HS6ST3: variants seen among roughly 807,000 people sequenced by gnomAD.
HS6ST3 encodes heparan-sulfate 6-O-sulfotransferase 3.
HS6ST3 carries 12 observed loss-of-function variants against 36.7 expected under a neutral mutation model. The ratio of observed to expected loss-of-function variants is 0.33; its 90% CI spans 0.21 to 0.53. The LOEUF (loss-of-function observed/expected upper bound fraction) is 0.53, where lower values mean the gene tolerates loss of function less well. HS6ST3 is among the 20% of genes least tolerant of loss of function. The pLI is 0.95. For synonymous variants in HS6ST3, 240 were observed against 257.5 expected, an observed-to-expected ratio of 0.93 and a Z score of 0.65; for missense variants, 584 against 640.9, an observed-to-expected ratio of 0.91 and a Z score of 0.96.
intron 1 of HS6ST3, among the ~76,000 whole-genome samples, chr13:96,141,152 A>ACCTTCTT (rs2054030177): frequency 6.6e-6 from 1 of 152,172 alleles, no homozygotes; most frequent in Non-Finnish European, 1.5e-5. Flanking sequence ...GTTCTGTGCA[A>ACCTTCTT]ATGCAGTCGG....
intron 1 of HS6ST3, among the ~76,000 whole-genome samples, chr13:96,772,543 A>G (rs956575120): frequency 2.0e-5 from 3 of 152,212 alleles, no homozygotes; most frequent in Admixed American, 6.5e-5. Flanking sequence ...GGACTTATCT[A>G]TTGAAAAACT....
intron 1 of HS6ST3, among the ~76,000 whole-genome samples, chr13:96,537,887 G>C (rs1594802324): frequency 6.6e-6 from 1 of 152,296 alleles, no homozygotes; most frequent in African/African-American, 2.4e-5. Context: ...GGGTAAAATA[G>C]AGATTCATCA....
At chr13:96,127,304 T>G (rs888179149) in intron 1 of HS6ST3, among the ~76,000 whole-genome samples, 1 of 152,214 alleles carries the variant, frequency 6.6e-6, no homozygotes, top group Admixed American at 6.5e-5. Flanking sequence ...CGGGAGTGGT[T>G]GGAGGTCGGG....
At chr13:96,267,833 C>G (rs1407137649) in intron 1 of HS6ST3, among the ~76,000 whole-genome samples, 1 of 151,862 alleles carries the variant, frequency 6.6e-6, no homozygotes, top group African/African-American at 2.4e-5. Context: ...GTTGCTCCTG[C>G]TGGGAGGTTG....
intron 1 of HS6ST3, among the ~76,000 whole-genome samples, chr13:96,332,926 C>T (rs1481491851): frequency 2.6e-5 from 4 of 152,192 alleles, no homozygotes; most frequent in Admixed American, 6.5e-5. Flanking sequence ...AAAGATTCCT[C>T]AGAGAGCTAG....
rs1286419008 is a variant in HS6ST3 at position 96,835,217 on chromosome 13, A to G, written c.*2019A>G. Reference sequence around the variant, plus strand: ...TCCCAGAAGCATTTGTCTCTAACCCATGTGGGTAGCCCGACCATGACAGCA... The same window carrying G: ...TCCCAGAAGCATTTGTCTCTAACCCGTGTGGGTAGCCCGACCATGACAGCA... On this transcript the variant is annotated 3_prime_UTR_variant, in exon 2 of 2. Transcript: ENST00000376705. The G allele has an allele frequency of 6.6e-6, 1 of 152,192 alleles. No homozygotes were observed. Among genetic ancestry groups the G allele is most frequent in the African/African-American group, 2.4e-5 (1 of 41,408 alleles). 9.4% of individuals were successfully genotyped at this position (152,192 alleles called of 1,614,324 possible).
chr13:96,393,070 T>C (rs757837200), intron 1 of HS6ST3, among the ~76,000 whole-genome samples: 4 of 152,126 alleles, frequency 2.6e-5, no homozygotes, highest in Non-Finnish European at 4.4e-5. Flanking sequence ...ATCTGATAGT[T>C]TTAAAAGGGG....
chr13:96,631,626 G>C (rs2056532331), intron 1 of HS6ST3, among the ~76,000 whole-genome samples: 1 of 152,156 alleles, frequency 6.6e-6, no homozygotes, highest in Admixed American at 6.5e-5. Flanking sequence ...GTTATCTACT[G>C]ATATCCCAGA....
chr13:96,743,978 T>C (rs1876503092), intron 1 of HS6ST3, among the ~76,000 whole-genome samples: 1 of 152,014 alleles, frequency 6.6e-6, no homozygotes, highest in Non-Finnish European at 1.5e-5. Flanking sequence ...GAATTTTCAC[T>C]GAAAGCCTTG....
chr13:96,524,963 G>C (rs1028331020), intron 1 of HS6ST3, among the ~76,000 whole-genome samples: 4 of 152,188 alleles, frequency 2.6e-5, no homozygotes, highest in Non-Finnish European at 2.9e-5. Context: ...CTGTTGACTG[G>C]AGCTGTTCCT....
At chr13:96,613,542 T>C (rs576736040) in intron 1 of HS6ST3, among the ~76,000 whole-genome samples, 25 of 152,202 alleles carry the variant, frequency 1.6e-4, no homozygotes, top group Non-Finnish European at 3.2e-4. Flanking sequence ...TATATTAATT[T>C]GAGGTGTTGG....
intron 1 of HS6ST3, among the ~76,000 whole-genome samples, chr13:96,686,910 CA>C (rs1794790678): frequency 6.6e-6 from 1 of 151,862 alleles, no homozygotes; most frequent in African/African-American, 2.4e-5. Flanking sequence ...TTGTGTACTC[CA>C]AAACATGTGA....
intron 1 of HS6ST3, among the ~76,000 whole-genome samples, chr13:96,366,933 C>A (rs1026019910): frequency 6.6e-6 from 1 of 152,110 alleles, no homozygotes; most frequent in African/African-American, 2.4e-5. Context: ...GCTCTCTTGC[C>A]TCCCACCATG....
intron 1 of HS6ST3, among the ~76,000 whole-genome samples, chr13:96,579,103 G>T (rs963816955): frequency 6.6e-6 from 1 of 152,156 alleles, no homozygotes; most frequent in South Asian, 2.1e-4. Context: ...CAACATGAAA[G>T]CTTTGTAGGT....
chr13:96,390,724 G>T (rs2055391147), intron 1 of HS6ST3, among the ~76,000 whole-genome samples: 1 of 152,018 alleles, frequency 6.6e-6, no homozygotes, highest in African/African-American at 2.4e-5. Flanking sequence ...TTAAGTATCT[G>T]CCAACAAGTG....
intron 1 of HS6ST3, among the ~76,000 whole-genome samples, chr13:96,688,455 G>A (rs1874849994): frequency 6.6e-6 from 1 of 151,982 alleles, no homozygotes. Context: ...TGGATCCAAA[G>A]AATGAAAGAT....
chr13:96,637,828 A>G (rs1001113812), intron 1 of HS6ST3, among the ~76,000 whole-genome samples: 2 of 152,066 alleles, frequency 1.3e-5, no homozygotes, highest in Non-Finnish European at 2.9e-5. Context: ...CCAGGTTAAA[A>G]TTTTGTCTTT....
At chr13:96,424,697 G>T (rs2055577831) in intron 1 of HS6ST3, among the ~76,000 whole-genome samples, 1 of 152,058 alleles carries the variant, frequency 6.6e-6, no homozygotes, top group African/African-American at 2.4e-5. Context: ...TTTTATAAGG[G>T]CACCGGTCCC....
At chr13:96,183,345 G>A (rs1261299887) in intron 1 of HS6ST3, among the ~76,000 whole-genome samples, 1 of 152,176 alleles carries the variant, frequency 6.6e-6, no homozygotes, top group Admixed American at 6.5e-5. Flanking sequence ...AGACTTAGAT[G>A]CTCGAGGTGG....
Sources: gnomAD v4.1 joint callset for allele counts (sites outside exome capture counted in the v4.1 genomes callset) on GRCh38, gnomAD v4.1.1 for gene constraint, MANE v1.5 for transcripts, NCBI Gene and HGNC (gene_info 2026-07-23, HGNC 2026-07-21) for gene names.